STAC2: variants seen among roughly 807,000 people sequenced by gnomAD.
STAC2 encodes SH3 and cysteine-rich domain-containing protein 2.
In STAC2, 36 loss-of-function variants were observed where a neutral mutation model predicts 49.0. The observed-to-expected ratio is 0.74, with a 90% confidence interval of 0.56 to 0.97. The LOEUF is 0.97. STAC2 is among the 50% of genes least tolerant of loss of function. STAC2 has a pLI of 0.00. For synonymous variants in STAC2, 239 were observed against 214.7 expected, an observed-to-expected ratio of 1.11 and a Z score of -0.99; for missense variants, 527 against 543.8, an observed-to-expected ratio of 0.97 and a Z score of 0.31.
At position 39,212,329 on chromosome 17, in the gene STAC2, C is replaced by A; in HGVS notation, c.1199G>T (p.Arg400Leu). 11 of 1,612,276 alleles carry A rather than the reference C, an allele frequency of 6.8e-6. No homozygotes were observed. Among genetic ancestry groups the A allele is most frequent in the Non-Finnish European group, 9.3e-6 (11 of 1,179,178 alleles). Residue 400 changes from arginine (R) to leucine (L), a missense_variant, in exon 11 of 11, where the codon CGG (arginine) becomes CTG (leucine). Transcript: ENST00000333461. ...CAGGGCGTCGACTGGCACCAGGCCC[C>A]GCTTCTTGCCACTGCTGACGCGGAT... ...GFIRVSSGKK[R>L]GLVPVDALTE...
At position 39,217,330 on chromosome 17, in the gene STAC2, C is replaced by T. The variant is rs544346197; in HGVS notation, c.398-157G>A. On this transcript the variant is annotated intron_variant, in intron 2 of 10. Coordinates refer to ENST00000333461, the MANE Select transcript of STAC2 (RefSeq NM_198993.5). ...CACACAGTCAGGGTATGAGGGAGCACGGAAGCCAGAGTCGTTAGTAAACAT... is the reference window on the plus strand; with the variant it reads ...CACACAGTCAGGGTATGAGGGAGCATGGAAGCCAGAGTCGTTAGTAAACAT... 6.6e-5 allele frequency among the ~76,000 whole-genome samples: 10 copies of T among 152,244 alleles called. 1 individual carries two copies. The South Asian group carries it at 8.3e-4, about 13-fold the overall frequency.
In STAC2 at chr17:39,213,522, G is replaced by C. The variant is rs770870439; in HGVS notation, c.978C>G (p.Asn326Lys). 1 of 1,613,790 alleles carries C rather than the reference G, an allele frequency of 6.2e-7. No homozygotes were observed. Among genetic ancestry groups the C allele is most frequent in the East Asian group, 2.2e-5 (1 of 44,850 alleles). The change falls in exon 9 of 11, where the codon AAC becomes AAG. Residue 326 changes from asparagine to lysine, a missense_variant. Transcript: ENST00000333461. ...GDRIMLVDDS[N>K]EDWWKGKIGD... is the part of the protein sequence containing the mutation. Reference sequence around the variant, plus strand: ...GCCAAGTCACCTTCCACCAGTCCTCGTTAGAGTCATCCACCAGCATGATCC... The same window carrying C: ...GCCAAGTCACCTTCCACCAGTCCTCCTTAGAGTCATCCACCAGCATGATCC...
chr17:39,212,871 G>C, intron 10 of STAC2, 124 bp downstream of exon 10: 2 of 1,465,842 alleles, frequency 1.4e-6, no homozygotes, highest in Non-Finnish European at 1.8e-6. Flanking sequence ...TTTCTAACCC[G>C]CTTTCCCCTC....
At chr17:39,217,716 C>CT in intron 2 of STAC2, 151 bp downstream of exon 2, 1 of 781,156 alleles carries the variant, frequency 1.3e-6, no homozygotes, top group Non-Finnish European at 2.0e-6. Flanking sequence ...GAGCAAGACT[C>CT]TGTCTCAAAA....
Position 39,225,831 on chromosome 17 carries a change from C to G in STAC2, c.-329G>C, listed in dbSNP as rs935495709. 2 of 296,566 alleles carry G rather than the reference C, an allele frequency of 6.7e-6. No homozygotes were observed. Among genetic ancestry groups the G allele is most frequent in the South Asian group, 3.8e-5 (1 of 26,464 alleles). The allele number at this position is 296,566 out of a possible 1,614,324, so 18.4% of individuals were successfully genotyped here. On this transcript the variant is annotated 5_prime_UTR_variant, in exon 1 of 11. Coordinates refer to ENST00000333461, the MANE Select transcript of STAC2 (RefSeq NM_198993.5). This position sits in a 1 kb window ranked among gnomAD's most constrained non-coding sequence, Gnocchi z 8.2. Reference sequence around the variant, plus strand: ...CGAGGGAGGGAGCCAAGGAGCTGTCCGTGTCCAGCCGGCTCCGCCGTCCGC... The same window carrying G: ...CGAGGGAGGGAGCCAAGGAGCTGTCGGTGTCCAGCCGGCTCCGCCGTCCGC...
intron 1 of STAC2, among the ~76,000 whole-genome samples, chr17:39,222,750 G>T (rs2046474496): frequency 6.6e-6 from 1 of 152,120 alleles, no homozygotes; most frequent in Admixed American, 6.5e-5. Flanking sequence ...TAGGAGCCTG[G>T]ACCACAAAGT....
intron 1 of STAC2, among the ~76,000 whole-genome samples, chr17:39,220,997 CG>C (rs1349430535): frequency 2.1e-5 from 3 of 140,108 alleles, no homozygotes; most frequent in African/African-American, 8.1e-5. Context: ...GGGGTTTCAC[CG>C]TGTTAGGCAG....
At chr17:39,215,286 TC>T in intron 4 of STAC2, 56 bp from the exon 5 acceptor site, 1 of 1,580,914 alleles carries the variant, frequency 6.3e-7, no homozygotes, top group South Asian at 1.1e-5. Flanking sequence ...GCATCTCTAG[TC>T]CCGGCTCAGC....
rs960305146 is a variant in STAC2 at position 39,214,797 on chromosome 17, T to C, written c.837A>G (p.Gly279=). ...AATGCCAGTACAGGCTCACCTGCTGTCCAGGACTCTTCTCCTCTGGTCCTG... is the reference window on the plus strand; with the variant it reads ...AATGCCAGTACAGGCTCACCTGCTGCCCAGGACTCTTCTCCTCTGGTCCTG... ...EGPGPEEKSP[G]QQLPKATLRK... The change falls in exon 7 of 11, where the codon GGA becomes GGG. Residue 279 remains glycine (G), a synonymous_variant. Transcript: ENST00000333461. 1.9e-6 allele frequency: 3 copies of C among 1,614,030 alleles called. No individual in the cohort carries two copies. The highest frequency in any genetic ancestry group is 1.7e-6 in the Non-Finnish European group (2 of 1,179,968).
intron 1 of STAC2, among the ~76,000 whole-genome samples, chr17:39,220,691 C>T (rs552805466): frequency 6.6e-6 from 1 of 152,196 alleles, no homozygotes; most frequent in Non-Finnish European, 1.5e-5. Context: ...CCATGATGGT[C>T]TTGATCTCCT....
chr17:39,222,949 G>A (rs1004240766), intron 1 of STAC2, among the ~76,000 whole-genome samples: 1 of 152,168 alleles, frequency 6.6e-6, no homozygotes, highest in Non-Finnish European at 1.5e-5. Context: ...GCATGGGGTG[G>A]TCCTCCCAGG....
chr17:39,225,425 G>T lies in STAC2; in HGVS notation c.78C>A (p.Leu26=). 6.2e-7 allele frequency: 1 copy of T among 1,604,658 alleles called. No individual in the cohort carries two copies. Residue 26 remains leucine, a synonymous_variant, in exon 1 of 11, where the codon CTC becomes CTA. Transcript: ENST00000333461. This position sits in a 1 kb window ranked among gnomAD's most constrained non-coding sequence, Gnocchi z 8.2. The part of the protein sequence containing the change: ...THSPPGTVSA[L]QETKLQRFKR... The stretch of plus-strand genomic sequence containing the variant: ...CCCCCCAAGTTACCTTGGTTTCCTG[G>T]AGGGCGGAGACGGTCCCTGGGGGGC...
chr17:39,216,140 C>T (rs911480413), intron 4 of STAC2, among the ~76,000 whole-genome samples: 6 of 152,066 alleles, frequency 3.9e-5, no homozygotes, highest in South Asian at 4.2e-4. Flanking sequence ...ATGAAGACAG[C>T]GAGCTTTTTC....
Position 39,210,555 on chromosome 17 carries a change from T to C in STAC2, c.*1737A>G, listed in dbSNP as rs1001988054. The C allele has an allele frequency of 5.3e-5, 8 of 151,872 alleles. No individual in the cohort carries two copies. The highest frequency in any genetic ancestry group is 1.7e-4 in the African/African-American group (7 of 41,124). 9.4% of individuals were successfully genotyped at this position (151,872 alleles called of 1,614,324 possible). ...AGCAGATGGGCTGGGACAAGAAACA[T>C]TTAATTAGGGGTCTGGGGAATCAGC... On this transcript the variant is annotated 3_prime_UTR_variant, in exon 11 of 11. Transcript: ENST00000333461.
In STAC2 at chr17:39,225,823, G is replaced by T. The variant is rs925075830; in HGVS notation, c.-321C>A. 5.8e-6 allele frequency: 2 copies of T among 344,154 alleles called. No homozygotes were observed. Among genetic ancestry groups the T allele is most frequent in the South Asian group, 5.8e-5 (2 of 34,604 alleles). 21.3% of individuals were successfully genotyped at this position (344,154 alleles called of 1,614,324 possible). ...GGATGAGCCGAGGGAGGGAGCCAAG[G>T]AGCTGTCCGTGTCCAGCCGGCTCCG... is the stretch of plus-strand genomic sequence containing the variant. On this transcript the variant is annotated 5_prime_UTR_variant, in exon 1 of 11. Coordinates refer to ENST00000333461, the MANE Select transcript of STAC2 (RefSeq NM_198993.5). This position sits in a 1 kb window ranked among gnomAD's most constrained non-coding sequence, Gnocchi z 8.2.
rs762028319 is a variant in STAC2, at chr17:39,212,248, T to C, written c.*44A>G. 6.8e-7 allele frequency: 1 copy of C among 1,465,188 alleles called. No homozygotes were observed. Among genetic ancestry groups the C allele is most frequent in the Non-Finnish European group, 9.4e-7 (1 of 1,059,666 alleles). The allele number at this position is 1,465,188 out of a possible 1,614,324, so 90.8% of individuals were successfully genotyped here. On this transcript the variant is annotated 3_prime_UTR_variant, in exon 11 of 11. Coordinates refer to ENST00000333461, the MANE Select transcript of STAC2 (RefSeq NM_198993.5). ...ATCCCCTCCCTGGCCAGAAGCAAGGTCCAGGCATGGGCAAGGGTGTCATCT... is the reference window on the plus strand; with the variant it reads ...ATCCCCTCCCTGGCCAGAAGCAAGGCCCAGGCATGGGCAAGGGTGTCATCT...
Position 39,214,867 on chromosome 17 carries a change from G to A in STAC2, c.773-6C>T, listed in dbSNP as rs930206208. 1.2e-6 allele frequency: 2 copies of A among 1,613,888 alleles called. No individual in the cohort carries two copies. Among genetic ancestry groups the A allele is most frequent in the Non-Finnish European group, 1.7e-6 (2 of 1,179,972 alleles). ...GGCTGTGAATACTGGAGATGCTAGG[G>A]GCAGGAGAGGGAAAGGGTGAGAGGC... On this transcript the variant is annotated splice_region_variant and splice_polypyrimidine_tract_variant and intron_variant, in intron 6 of 10. Transcript: ENST00000333461.
chr17:39,225,634 G>T lies in STAC2; in HGVS notation c.-132C>A. The T allele has an allele frequency of 9.2e-6, 8 of 872,092 alleles. No homozygotes were observed. Among genetic ancestry groups the T allele is most frequent in the South Asian group, 1.4e-5 (1 of 69,102 alleles). 54.0% of individuals were successfully genotyped at this position (872,092 alleles called of 1,614,324 possible). A position where few individuals can be genotyped will look rare whatever the true frequency, so the allele number is the denominator to read the frequency against. On this transcript the variant is annotated 5_prime_UTR_variant, in exon 1 of 11. Coordinates refer to ENST00000333461, the MANE Select transcript of STAC2 (RefSeq NM_198993.5). This position sits in a 1 kb window ranked among gnomAD's most constrained non-coding sequence, Gnocchi z 8.2. The stretch of plus-strand genomic sequence containing the variant: ...GCTGCCCCCAGTTAGCCCCCGGCAC[G>T]GCAGCCCCCAACCCGCGGGAGCGGG...
chr17:39,223,889 C>A (rs551251208), intron 1 of STAC2, among the ~76,000 whole-genome samples: 1 of 152,292 alleles, frequency 6.6e-6, no homozygotes, highest in South Asian at 2.1e-4. Flanking sequence ...AATATCCTCC[C>A]ACCCAAACAT....
Sources: gnomAD v4.1 joint callset for allele counts (sites outside exome capture counted in the v4.1 genomes callset) on GRCh38, gnomAD v4.1.1 for gene constraint, Gnocchi (gnomAD v3.1) non-coding constraint, MANE v1.5 for transcripts, NCBI Gene and HGNC (gene_info 2026-07-23, HGNC 2026-07-21) for gene names.